The following CAB39L variants were observed in gnomAD, a reference collection of about 807,000 sequenced individuals.
The protein encoded by CAB39L is calcium-binding protein 39-like.
CAB39L carries 23 observed loss-of-function variants against 39.1 expected under a neutral mutation model. The observed-to-expected ratio is 0.59, with a 90% CI of 0.42 to 0.83. The LOEUF is 0.83. Among genes scored for constraint, CAB39L ranks in the 40% least tolerant of loss-of-function variants. CAB39L has a pLI of 0.00. For missense variants in CAB39L, 366 were observed against 391.9 expected (o/e 0.93, Z 0.56); for synonymous variants, 126 against 137.2 (o/e 0.92, Z 0.57).
chr13:49,317,812 A>G (rs774304225), intron 10 of CAB39L, among the ~76,000 whole-genome samples: 3 of 152,202 alleles, frequency 2.0e-5, no homozygotes, highest in Non-Finnish European at 4.4e-5. Context: ...GATACTATCA[A>G]GAGAGTGAAA....
intron 3 of CAB39L, among the ~76,000 whole-genome samples, chr13:49,423,513 T>C (rs1957202635): frequency 6.6e-6 from 1 of 151,184 alleles, no homozygotes; most frequent in Admixed American, 6.6e-5. Context: ...AGGCCAGGAG[T>C]TCCAGAGCAG....
chr13:49,418,609 C>A (rs1957121988), intron 3 of CAB39L, among the ~76,000 whole-genome samples: 6 of 152,188 alleles, frequency 3.9e-5, no homozygotes, highest in Admixed American at 3.3e-4. Flanking sequence ...GCTCTTGTCA[C>A]CCAGGCTAAA....
At chr13:49,364,099 G>A (rs1955705132) in intron 5 of CAB39L, among the ~76,000 whole-genome samples, 1 of 151,966 alleles carries the variant, frequency 6.6e-6, no homozygotes, top group Non-Finnish European at 1.5e-5. Flanking sequence ...AATAATAAAG[G>A]AGTCAGTTCA....
chr13:49,412,731 C>T (rs145702058), intron 3 of CAB39L, among the ~76,000 whole-genome samples: 4 of 152,204 alleles, frequency 2.6e-5, no homozygotes, highest in East Asian at 3.9e-4. Context: ...GGGATGGTTT[C>T]GGGATGAAAC....
chr13:49,309,670 T>G lies in CAB39L; in HGVS notation c.*1144A>C, dbSNP rs1286459866. The G allele has an allele frequency of 2.6e-5, 4 of 152,208 alleles. No homozygotes were observed. The highest frequency in any genetic ancestry group is 9.6e-5 in the African/African-American group (4 of 41,456). The allele number at this position is 152,208 out of a possible 1,614,324, so 9.4% of individuals were successfully genotyped here. A position where few individuals can be genotyped will look rare whatever the true frequency, so the allele number is the denominator to read the frequency against. Reference sequence around the variant, plus strand: ...TAAGGAAGAGGAATTAACACCTCAATCATCCTAGTCACAAGAGACTATTCA... The same window carrying G: ...TAAGGAAGAGGAATTAACACCTCAAGCATCCTAGTCACAAGAGACTATTCA... On this transcript the variant is annotated 3_prime_UTR_variant, in exon 11 of 11. Coordinates refer to ENST00000409308, the MANE Select transcript of CAB39L (RefSeq NM_001079670.3).
intron 3 of CAB39L, among the ~76,000 whole-genome samples, chr13:49,432,532 G>C (rs1957344194): frequency 6.6e-6 from 1 of 151,910 alleles, no homozygotes; most frequent in Admixed American, 6.6e-5. Context: ...TCTTGCTCTT[G>C]GTGTTTTGAT....
chr13:49,313,834 A>T (rs1954075198), intron 10 of CAB39L, among the ~76,000 whole-genome samples: 1 of 152,142 alleles, frequency 6.6e-6, no homozygotes, highest in Admixed American at 6.5e-5. Context: ...TACAGGGAAC[A>T]CACTATGAAA....
At chr13:49,398,475 G>GTA (rs910413197) in intron 3 of CAB39L, among the ~76,000 whole-genome samples, 3 of 151,902 alleles carry the variant, frequency 2.0e-5, no homozygotes, top group African/African-American at 7.2e-5. Flanking sequence ...AAATCTACCT[G>GTA]TATCCATTCA....
At position 49,395,555 on chromosome 13, in the gene CAB39L, T is replaced by G. The variant is rs552964727; in HGVS notation, c.-31-12614A>C. Reference sequence around the variant, plus strand: ...CCTGTCATGTCTTTTCAAAGCATTATTCAAACATGATTTCTTTGGCTATAA... The same window carrying G: ...CCTGTCATGTCTTTTCAAAGCATTAGTCAAACATGATTTCTTTGGCTATAA... On this transcript the variant is annotated intron_variant, in intron 3 of 10. Transcript: ENST00000409308. 2.0e-5 allele frequency among the ~76,000 whole-genome samples: 3 copies of G among 152,148 alleles called. No homozygotes were observed. In the East Asian group the frequency reaches 5.8e-4, roughly 29 times the overall value.
In CAB39L at chr13:49,346,120, T is replaced by TATATATATATATATATC. The variant is rs10663110; in HGVS notation, c.565-1883_565-1882insGATATATATATATATAT. On this transcript the variant is annotated intron_variant, in intron 7 of 10. Transcript: ENST00000409308. ...TGCTAGATATATATATATATATATATATATCATGGATACAGCCAATAAACA... is the reference window on the plus strand; with the variant it reads ...TGCTAGATATATATATATATATATATATATATATATATATATCATATCATGGATACAGCCAATAAACA... Among the ~76,000 whole-genome samples the TATATATATATATATATC allele has an allele frequency of 8.4e-3, 745 of 88,456 alleles. 64 individuals are homozygous for TATATATATATATATATC. The highest frequency in any genetic ancestry group is 0.025 in the Middle Eastern group (4 of 160). The allele number at this position is 88,456 out of a possible 152,430, so 58.0% of individuals were successfully genotyped here.
At position 49,324,576 on chromosome 13, in the gene CAB39L, G is replaced by C. The variant is rs1160979088; in HGVS notation, c.834+7371C>G. On this transcript the variant is annotated intron_variant, in intron 10 of 10. Coordinates refer to ENST00000409308, the MANE Select transcript of CAB39L (RefSeq NM_001079670.3). Reference sequence around the variant, plus strand: ...CAGCCTCAGTTCCCCACATATAAGTGGGGCTATGTAGAAGAAAGAACATGG... The same window carrying C: ...CAGCCTCAGTTCCCCACATATAAGTCGGGCTATGTAGAAGAAAGAACATGG... Among the ~76,000 whole-genome samples the C allele has an allele frequency of 3.3e-5, 5 of 152,260 alleles. No homozygotes were observed. The East Asian group carries it at 9.6e-4, about 29-fold the overall frequency.
Position 49,353,931 on chromosome 13 carries a change from T to G in CAB39L, c.396-3019A>C, listed in dbSNP as rs538089380. Among the ~76,000 whole-genome samples the G allele has an allele frequency of 5.9e-5, 9 of 152,262 alleles. No individual in the cohort carries two copies. In the South Asian group the frequency reaches 1.9e-3, roughly 32 times the overall value. On this transcript the variant is annotated intron_variant, in intron 6 of 10. Transcript: ENST00000409308. ...TTCACGAAGCATGCATATAATGAAT[T>G]TAATGAACCTCAAACTGAAGAAATG...
intron 4 of CAB39L, among the ~76,000 whole-genome samples, chr13:49,377,807 C>T (rs1956120349): frequency 1.1e-5 from 1 of 91,708 alleles, no homozygotes; most frequent in Admixed American, 9.5e-5. Context: ...CTCTGCCCGG[C>T]CGCCACCCCG....
At chr13:49,437,452 G>A (rs774117020) in intron 1 of CAB39L, among the ~76,000 whole-genome samples, 2 of 152,082 alleles carry the variant, frequency 1.3e-5, no homozygotes, top group African/African-American at 2.4e-5. Context: ...ATGAGACTGC[G>A]TCTTTGGTCT....
intron 1 of CAB39L, among the ~76,000 whole-genome samples, chr13:49,443,289 TC>T (rs1957577223): frequency 6.6e-6 from 1 of 151,562 alleles, no homozygotes; most frequent in Non-Finnish European, 1.5e-5. Flanking sequence ...ACAAAATTCT[TC>T]CTTCACGCCC....
chr13:49,434,736 C>T (rs1957381962), intron 1 of CAB39L, among the ~76,000 whole-genome samples: 1 of 151,986 alleles, frequency 6.6e-6, no homozygotes, highest in Non-Finnish European at 1.5e-5. Flanking sequence ...CATTTTGCAA[C>T]ACTTAATGCC....
intron 1 of CAB39L, among the ~76,000 whole-genome samples, chr13:49,441,221 G>GTATATATATATATATATATATATA (rs59783079): frequency 1.6e-3 from 190 of 121,296 alleles, no homozygotes; most frequent in African/African-American, 4.3e-3. Context: ...ATGATTTAGT[G>GTATATATATATATATATATATATA]TATATATATA....
chr13:49,395,389 C>T (rs78212386), intron 3 of CAB39L, among the ~76,000 whole-genome samples: 3,589 of 152,080 alleles, frequency 0.024, 100 homozygotes, highest in African/African-American at 0.065. Flanking sequence ...GCACTCACCA[C>T]CACGTTCGGC....
chr13:49,414,557 A>G (rs1174311050), intron 3 of CAB39L, among the ~76,000 whole-genome samples: 2 of 152,196 alleles, frequency 1.3e-5, no homozygotes, highest in Non-Finnish European at 2.9e-5. Flanking sequence ...ATAGACATAT[A>G]AAAATATTTT....
Sources: gnomAD v4.1 joint callset for allele counts (sites outside exome capture counted in the v4.1 genomes callset) on GRCh38, gnomAD v4.1.1 for gene constraint, MANE v1.5 for transcripts, NCBI Gene and HGNC (gene_info 2026-07-23, HGNC 2026-07-21) for gene names.